The following CCDC157 variants were observed in gnomAD, a reference collection of about 807,000 sequenced individuals.
The protein encoded by CCDC157 is coiled-coil domain containing 157.
Under a neutral mutation model 70.9 loss-of-function variants are expected in CCDC157, and 60 were observed. That is an observed-to-expected ratio of 0.85 (90% CI 0.69 to 1.05). CCDC157 has a LOEUF of 1.05. Among genes scored for constraint, CCDC157 ranks in the 50% least tolerant of loss-of-function variants. CCDC157 has a pLI of 0.00. For missense variants in CCDC157, 943 were observed against 984.2 expected (o/e 0.96, Z 0.56); for synonymous variants, 373 against 422.4 (o/e 0.88, Z 1.43).
chr22:30,375,495 C>T lies in CCDC157; in HGVS notation c.1689C>T (p.Ser563=), dbSNP rs758332027. 1.6e-5 allele frequency: 26 copies of T among 1,614,028 alleles called. No homozygotes were observed. Among genetic ancestry groups the T allele is most frequent in the Admixed American group, 8.3e-5 (5 of 60,008 alleles). ...TGGGCACAGGAGGCAGATCCAGCAG[C>T]GTGGAATCCCAGATAACATGTCCCA... The part of the protein sequence containing the change: ...ETQIHGGRSS[S]VESQITCPTD... The change falls in exon 10 of 12, where the codon AGC becomes AGT. Residue 563 remains serine, a synonymous_variant. Coordinates refer to ENST00000338306, the MANE Select transcript of CCDC157 (RefSeq NM_001017437.5).
upstream of CCDC157, chr22:30,356,694 C>T: frequency 1.4e-6 from 2 of 1,445,184 alleles, no homozygotes; most frequent in Non-Finnish European, 9.2e-7. Flanking sequence ...CCAGGCCAAC[C>T]CTCCGGCTGC....
At chr22:30,375,264 G>A in intron 9 of CCDC157, 2 of 528,366 alleles carry the variant, frequency 3.8e-6, no homozygotes, top group South Asian at 2.3e-5. Context: ...GCCTTGCTAA[G>A]TCTTTTGAGA....
intron 2 of CCDC157, among the ~76,000 whole-genome samples, chr22:30,364,830 C>A (rs181421904): frequency 0.028 from 4,156 of 146,514 alleles, 97 homozygotes; most frequent in East Asian, 0.084. Context: ...AAAAAAAAAA[C>A]CAAAAAACAT....
chr22:30,371,248 G>C (rs1932926960), intron 5 of CCDC157: 1 of 513,924 alleles, frequency 1.9e-6, no homozygotes, highest in Admixed American at 3.2e-5. Flanking sequence ...AGTCATTGAG[G>C]GCTACTTCCA....
At chr22:30,362,665 C>T (rs1018419432) in intron 2 of CCDC157, among the ~76,000 whole-genome samples, 1 of 152,150 alleles carries the variant, frequency 6.6e-6, no homozygotes, top group African/African-American at 2.4e-5. Flanking sequence ...GTGGCTCACC[C>T]CTCAGGGAGG....
At position 30,376,804 on chromosome 22, in the gene CCDC157, A is replaced by C; in HGVS notation, c.*59A>C. 1.3e-6 allele frequency: 2 copies of C among 1,502,894 alleles called. No individual in the cohort carries two copies. Among genetic ancestry groups the C allele is most frequent in the Non-Finnish European group, 9.1e-7 (1 of 1,101,068 alleles). 93.1% of individuals were successfully genotyped at this position (1,502,894 alleles called of 1,614,324 possible). On this transcript the variant is annotated 3_prime_UTR_variant, in exon 12 of 12. Transcript: ENST00000338306. ...GGCTGGCAGCCCACCCACTGTAATA[A>C]AGCCCCAGCCATTGGCCCACAGCAA... is the stretch of plus-strand genomic sequence containing the variant.
Position 30,370,431 on chromosome 22 carries a change from C to T in CCDC157, c.526C>T (p.Pro176Ser). The change falls in exon 5 of 12, where the codon CCA (proline) becomes TCA (serine). Residue 176 changes from proline to serine, a missense_variant. Coordinates refer to ENST00000338306, the MANE Select transcript of CCDC157 (RefSeq NM_001017437.5). ...TACCAAGTTAATCAAGCCCTCCTCC[C>T]CAGTGCTAGGCTTGCCCCAGACCTG... is the stretch of plus-strand genomic sequence containing the variant. ...LTTKLIKPSSPVLGLPQTCQE... is the reference protein window; with the variant it reads ...LTTKLIKPSSSVLGLPQTCQE... 1 of 1,614,184 alleles carries T rather than the reference C, an allele frequency of 6.2e-7. No homozygotes were observed. Among genetic ancestry groups the T allele is most frequent in the East Asian group, 2.2e-5 (1 of 44,896 alleles).
At chr22:30,374,280 C>T in intron 9 of CCDC157, 189 bp downstream of exon 9, 3 of 685,746 alleles carry the variant, frequency 4.4e-6, no homozygotes, top group Non-Finnish European at 7.6e-6. Flanking sequence ...ATCCACTCTG[C>T]ATAGACAGGG....
chr22:30,358,094 C>T (rs1932056463), intron 1 of CCDC157, among the ~76,000 whole-genome samples: 2 of 152,208 alleles, frequency 1.3e-5, no homozygotes, highest in Non-Finnish European at 2.9e-5. Context: ...TCTCCTTCCT[C>T]CTCTCCTCAA....
chr22:30,366,692 C>T (rs1164887557), intron 3 of CCDC157: 1 of 209,444 alleles, frequency 4.8e-6, no homozygotes, highest in African/African-American at 2.3e-5. Flanking sequence ...ATGTGGTTTT[C>T]CAAATCCTGA....
intron 7 of CCDC157, 27 bp downstream of exon 7, chr22:30,372,313 G>A: frequency 4.7e-6 from 7 of 1,503,620 alleles, no homozygotes; most frequent in Non-Finnish European, 5.3e-6. Flanking sequence ...CGCTAGCCTG[G>A]GCATCTGCAA....
chr22:30,372,471 C>T (rs1445921748), intron 7 of CCDC157, 185 bp downstream of exon 7: 1 of 824,118 alleles, frequency 1.2e-6, no homozygotes, highest in South Asian at 2.0e-5. Flanking sequence ...GGAACAGTGA[C>T]CCAGGGACTG....
rs1933285403 is a variant in CCDC157, at chr22:30,375,493, A to G, written c.1687A>G (p.Ser563Gly). Residue 563 changes from serine (S) to glycine (G), a missense_variant, in exon 10 of 12, where the codon AGC becomes GGC. Ser to Gly is a moderately conservative substitution (Grantham distance 56). Coordinates refer to ENST00000338306, the MANE Select transcript of CCDC157 (RefSeq NM_001017437.5). ...ETQIHGGRSS[S>G]VESQITCPTD... ...ATTGGGCACAGGAGGCAGATCCAGC[A>G]GCGTGGAATCCCAGATAACATGTCC... is the stretch of plus-strand genomic sequence containing the variant. The G allele has an allele frequency of 6.2e-7, 1 of 1,614,058 alleles. No homozygotes were observed. The highest frequency in any genetic ancestry group is 1.1e-5 in the South Asian group (1 of 91,084).
intron 11 of CCDC157, 22 bp downstream of exon 11, chr22:30,376,369 G>A: frequency 6.2e-7 from 1 of 1,613,874 alleles, no homozygotes; most frequent in African/African-American, 1.3e-5. Context: ...TTTACTGGAG[G>A]TGGGGCAGGT....
chr22:30,375,838 C>A, intron 10 of CCDC157, 175 bp downstream of exon 10: 1 of 623,232 alleles, frequency 1.6e-6, no homozygotes. Flanking sequence ...GTTATGGATC[C>A]GATGCCTTCC....
chr22:30,376,853 G>A lies in CCDC157; in HGVS notation c.*108G>A. 8.7e-7 allele frequency: 1 copy of A among 1,147,420 alleles called. No individual in the cohort carries two copies. Among genetic ancestry groups the A allele is most frequent in the South Asian group, 1.5e-5 (1 of 66,750 alleles). The allele number at this position is 1,147,420 out of a possible 1,614,324, so 71.1% of individuals were successfully genotyped here. ...AATCTTTGCCTCACAGTATGACTGAGCCAAGGAAAGAACCCTTCCTTCCCT... is the reference window on the plus strand; with the variant it reads ...AATCTTTGCCTCACAGTATGACTGAACCAAGGAAAGAACCCTTCCTTCCCT... On this transcript the variant is annotated 3_prime_UTR_variant, in exon 12 of 12. Transcript: ENST00000338306.
At chr22:30,363,683 CTT>C (rs55722661) in intron 2 of CCDC157, among the ~76,000 whole-genome samples, 2,630 of 114,594 alleles carry the variant, frequency 0.023, 40 homozygotes, top group African/African-American at 0.038. Flanking sequence ...GAATGTTTCT[CTT>C]TTTTTTTTTT....
chr22:30,366,370 A>G (rs1021548960), intron 3 of CCDC157, 122 bp downstream of exon 3: 2 of 1,229,136 alleles, frequency 1.6e-6, no homozygotes, highest in Non-Finnish European at 2.3e-6. Flanking sequence ...ACCATTGAGT[A>G]CCTGTCGGGG....
In CCDC157 at chr22:30,376,523, A is replaced by G; in HGVS notation, c.2037A>G (p.Thr679=). The change falls in exon 12 of 12, where the codon ACA becomes ACG. Residue 679 remains threonine, a synonymous_variant. Transcript: ENST00000338306. The stretch of plus-strand genomic sequence containing the variant: ...CATCCCCACCTCGGCAGCCCTGCAC[A>G]TCCCCACCTCGGCAGCCCTGCACAT... ...PCTSPPRQPC[T]SPPRQPCTSP... is the part of the protein sequence containing the mutation. 1 of 1,612,184 alleles carries G rather than the reference A, an allele frequency of 6.2e-7. No homozygotes were observed. Among genetic ancestry groups the G allele is most frequent in the Middle Eastern group, 1.7e-4 (1 of 5,868 alleles).
Sources: allele counts gnomAD v4.1 joint callset (sites outside exome capture counted in the v4.1 genomes callset), GRCh38; gene constraint gnomAD v4.1.1; transcripts MANE v1.5; gene names NCBI Gene and HGNC (gene_info 2026-07-23, HGNC 2026-07-21).